FUNDC1: variants seen among roughly 807,000 people sequenced by gnomAD.
The protein encoded by FUNDC1 is FUN14 domain containing 1.
Under a neutral mutation model 14.5 loss-of-function variants are expected in FUNDC1, and 10 were observed. The ratio of observed to expected loss-of-function variants is 0.69; its 90% CI spans 0.43 to 1.17. The LOEUF is 1.17. FUNDC1 is among the 50% of genes most tolerant of loss of function. FUNDC1 has a pLI of 0.00. For missense variants in FUNDC1, 115 were observed against 113.8 expected, an observed-to-expected ratio of 1.01 and a Z score of -0.05; for synonymous variants, 33 against 39.7, an observed-to-expected ratio of 0.83 and a Z score of 0.64.
chrX:44,538,382 T>C (rs183046013), intron 3 of FUNDC1, 85 bp downstream of exon 3: 23 of 662,076 alleles, frequency 3.5e-5, no homozygotes, highest in Non-Finnish European at 4.1e-5. Context: ...CCAAAACTCA[T>C]TGTAGCTCTT....
rs757272128 is a variant in FUNDC1 at position 44,524,249 on chromosome X, A to G, written c.417T>C (p.Ile139=). ...EEATEFIKQN[I]VISSGFVGGF... The stretch of plus-strand genomic sequence containing the variant: ...CTCCCACAAATCCACTGGATATCAC[A>G]ATGTTCTGCTTGATAAATTCTGTTG... The change falls in exon 5 of 5, where the codon ATT becomes ATC. Residue 139 remains isoleucine (I), a synonymous_variant. Coordinates refer to ENST00000378045, the MANE Select transcript of FUNDC1 (RefSeq NM_173794.4). 9.1e-6 allele frequency: 11 copies of G among 1,203,154 alleles called. No homozygotes were observed. In the East Asian group the frequency reaches 3.3e-4, roughly 36 times the overall value.
At position 44,527,358 on chromosome X, in the gene FUNDC1, C is replaced by T; in HGVS notation, c.269G>A (p.Ser90Asn). 8.5e-7 allele frequency: 1 copy of T among 1,176,661 alleles called. No individual in the cohort carries two copies. Among genetic ancestry groups the T allele is most frequent in the Non-Finnish European group, 1.1e-6 (1 of 875,767 alleles). Residue 90 changes from serine (S) to asparagine (N), a missense_variant, in exon 4 of 5, where the codon AGT becomes AAT. By Grantham distance (46) the Ser-to-Asn change is conservative. Transcript: ENST00000378045. ...GGGFLLLQIA[S>N]HSGYVQIDWK... ...GTCAATCTGCACATAGCCACTATGA[C>T]TAGCAATCTGCAAAAAATATAATAA...
At chrX:44,540,414 T>TTG (rs367975882) in intron 2 of FUNDC1, among the ~76,000 whole-genome samples, 3,341 of 96,598 alleles carry the variant, frequency 0.035, 72 homozygotes, top group Admixed American at 0.088. Context: ...AATGTGTGTG[T>TTG]TGTGTGTGTG....
intron 1 of FUNDC1, chrX:44,542,419 G>A (rs1164031668): frequency 8.0e-6 from 3 of 373,121 alleles, no homozygotes; most frequent in Non-Finnish European, 1.4e-5. Context: ...GTCAAGGTCA[G>A]AGCAGGGTCC....
chrX:44,538,520 T>C lies in FUNDC1; in HGVS notation c.208A>G (p.Lys70Glu). 1 of 1,206,313 alleles carries C rather than the reference T, an allele frequency of 8.3e-7. No individual in the cohort carries two copies. The highest frequency in any genetic ancestry group is 1.8e-5 in the South Asian group (1 of 56,864). Residue 70 changes from lysine to glutamate, a missense_variant, in exon 3 of 5, where the codon AAA (lysine) becomes GAA (glutamate). Coordinates refer to ENST00000378045, the MANE Select transcript of FUNDC1 (RefSeq NM_173794.4). Reference protein sequence around the residue: ...TGWCAGFLFQKVGKLAATAVG... With the variant: ...TGWCAGFLFQEVGKLAATAVG... ...GCAGTTGCTGCAAGTTTTCCAACTT[T>C]CTGGAACAGAAATCCTGCACACCTT...
At chrX:44,541,349 C>T (rs754976521) in intron 2 of FUNDC1, among the ~76,000 whole-genome samples, 162 of 111,926 alleles carry the variant, frequency 1.4e-3, no homozygotes, top group Non-Finnish European at 2.5e-3. Context: ...TGGTTATTAA[C>T]TACTTCTTAA....
intron 3 of FUNDC1, among the ~76,000 whole-genome samples, chrX:44,537,175 G>A (rs1417826377): frequency 8.9e-6 from 1 of 111,921 alleles, no homozygotes; most frequent in Non-Finnish European, 1.9e-5. Flanking sequence ...GGAAAAGTGG[G>A]AGGTGGCAAT....
chrX:44,526,928 C>T (rs1473448710), intron 4 of FUNDC1, among the ~76,000 whole-genome samples: 1 of 109,816 alleles, frequency 9.1e-6, no homozygotes, highest in East Asian at 2.8e-4. Context: ...AGTTTTACTA[C>T]ACCTGTACAT....
In FUNDC1 at chrX:44,527,257, T is replaced by C. The variant is rs765300950; in HGVS notation, c.370A>G (p.Ile124Val). 1.7e-6 allele frequency: 2 copies of C among 1,187,117 alleles called. No individual in the cohort carries two copies. Among genetic ancestry groups the C allele is most frequent in the Non-Finnish European group, 1.1e-6 (1 of 883,605 alleles). The change falls in exon 4 of 5, where the codon ATC becomes GTC. Residue 124 changes from isoleucine to valine, a missense_variant. Transcript: ENST00000378045. Reference protein sequence around the residue: ...KKRANKAAPEINNLIEEATEF... With the variant: ...KKRANKAAPEVNNLIEEATEF... ...CTTACTTCTTCAATTAAATTGTTGATTTCAGGTGCTGCTTTGTTCGCTCGT... is the reference window on the plus strand; with the variant it reads ...CTTACTTCTTCAATTAAATTGTTGACTTCAGGTGCTGCTTTGTTCGCTCGT...
intron 4 of FUNDC1, among the ~76,000 whole-genome samples, chrX:44,525,215 TG>T (rs997232697): frequency 9.1e-6 from 1 of 109,892 alleles, no homozygotes; most frequent in African/African-American, 3.3e-5. Context: ...TAATTTTTTT[TG>T]GGGGGGTGAG....
At chrX:44,527,177 A>C in intron 4 of FUNDC1, 60 bp downstream of exon 4, 2 of 907,456 alleles carry the variant, frequency 2.2e-6, no homozygotes, top group East Asian at 3.2e-5. Context: ...CTGCTAAGGG[A>C]TACCCATTAA....
At chrX:44,525,924 T>TG (rs1471627869) in intron 4 of FUNDC1, among the ~76,000 whole-genome samples, 1 of 108,101 alleles carries the variant, frequency 9.3e-6, no homozygotes, top group Non-Finnish European at 1.9e-5. Flanking sequence ...TGGCCAGGCA[T>TG]GGGGGCTCAC....
intron 3 of FUNDC1, among the ~76,000 whole-genome samples, chrX:44,533,657 A>C (rs1264580018): frequency 1.9e-5 from 2 of 107,457 alleles, no homozygotes; most frequent in Non-Finnish European, 1.9e-5. Flanking sequence ...AAACAACAAA[A>C]CAACAACAAC....
At chrX:44,526,169 G>A (rs1278863440) in intron 4 of FUNDC1, among the ~76,000 whole-genome samples, 1 of 110,491 alleles carries the variant, frequency 9.1e-6, no homozygotes, top group African/African-American at 3.3e-5. Context: ...GGTGGCTCAC[G>A]CCCCTAATCC....
intron 3 of FUNDC1, among the ~76,000 whole-genome samples, chrX:44,538,172 C>T (rs2038955927): frequency 9.0e-6 from 1 of 111,617 alleles, no homozygotes; most frequent in Admixed American, 9.6e-5. Flanking sequence ...TCAGTAGAGA[C>T]GGGATTTCAC....
intron 3 of FUNDC1, among the ~76,000 whole-genome samples, chrX:44,536,148 C>T (rs1243057605): frequency 9.2e-6 from 1 of 109,245 alleles, no homozygotes; most frequent in Non-Finnish European, 1.9e-5. Flanking sequence ...CCCATCTCTA[C>T]TAAAAATACA....
At chrX:44,536,064 A>T (rs771236907) in intron 3 of FUNDC1, among the ~76,000 whole-genome samples, 1 of 108,727 alleles carries the variant, frequency 9.2e-6, no homozygotes, top group East Asian at 2.9e-4. Flanking sequence ...CTGTAATCCC[A>T]GCACTTTGGG....
chrX:44,529,430 G>A (rs775661288), intron 3 of FUNDC1, among the ~76,000 whole-genome samples: 8 of 110,712 alleles, frequency 7.2e-5, no homozygotes, highest in African/African-American at 2.6e-4. Flanking sequence ...AGATACTAAC[G>A]CCTCTTTGGA....
chrX:44,527,148 T>TC (rs1282468450), intron 4 of FUNDC1, 89 bp downstream of exon 4: 32 of 629,356 alleles, frequency 5.1e-5, no homozygotes, highest in Non-Finnish European at 5.8e-5. Context: ...AAGACAGTAA[T>TC]CCCCCCCGGT....
Sources: gnomAD v4.1 joint callset for allele counts (sites outside exome capture counted in the v4.1 genomes callset) on GRCh38, gnomAD v4.1.1 for gene constraint, MANE v1.5 for transcripts, NCBI Gene and HGNC (gene_info 2026-07-23, HGNC 2026-07-21) for gene names.